Variants in RP1 observed in about 807,000 individuals in gnomAD.
RP1 encodes RP1 axonemal microtubule associated.
A neutral mutation model predicts 14.8 loss-of-function variants in RP1; 16 were observed. That is an observed-to-expected ratio of 1.08 (90% confidence interval 0.73 to 1.65). RP1 has a LOEUF of 1.65. Among genes scored for constraint, RP1 ranks in the 40% most tolerant of loss-of-function variants. RP1 has a pLI of 0.00. For missense variants in RP1, 2,631 were observed against 2,535.0 expected (o/e 1.04, Z -0.81); for synonymous variants, 876 against 883.6 (o/e 0.99, Z 0.15).
chr8:54,692,046 T>C (rs550133668), intron 12 of RP1, among the ~76,000 whole-genome samples: 1 of 151,742 alleles, frequency 6.6e-6, no homozygotes, highest in African/African-American at 2.4e-5. Flanking sequence ...AATTCCCACC[T>C]ATGAGTGAGA....
At chr8:54,854,184 G>A (rs796593259) in intron 26 of RP1, among the ~76,000 whole-genome samples, 1 of 152,106 alleles carries the variant, frequency 6.6e-6, no homozygotes, top group Non-Finnish European at 1.5e-5. Context: ...TGGAAATGCA[G>A]TCAAATACAC....
chr8:54,847,894 C>T (rs1415878344), intron 25 of RP1, among the ~76,000 whole-genome samples: 2 of 152,212 alleles, frequency 1.3e-5, no homozygotes, highest in Non-Finnish European at 2.9e-5. Context: ...TAGAGAATTG[C>T]AAAATGAATC....
intron 1 of RP1, among the ~76,000 whole-genome samples, chr8:54,588,738 G>A (rs937885515): frequency 1.3e-5 from 2 of 152,138 alleles, no homozygotes; most frequent in Non-Finnish European, 2.9e-5. Context: ...AGATGTACAT[G>A]GGCCTCCCTT....
At chr8:54,798,240 G>A (rs1810621510) in intron 24 of RP1, among the ~76,000 whole-genome samples, 1 of 152,086 alleles carries the variant, frequency 6.6e-6, no homozygotes, top group Non-Finnish European at 1.5e-5. Flanking sequence ...TCAAACTCCT[G>A]AGCTCAGGCG....
intron 3 of RP1, among the ~76,000 whole-genome samples, chr8:54,624,454 A>AG (rs1244007390): frequency 2.0e-5 from 3 of 150,744 alleles, no homozygotes; most frequent in African/African-American, 7.3e-5. Flanking sequence ...AAAAAAAAAA[A>AG]AAAAAAAAAA....
chr8:54,561,694 T>C (rs1314850793), intron 1 of RP1: 8 of 152,174 alleles, frequency 5.3e-5, no homozygotes, highest in Admixed American at 5.2e-4. Flanking sequence ...GTTGGATTCT[T>C]TTACACTAGG....
At chr8:54,694,794 T>C (rs1484409585) in intron 12 of RP1, among the ~76,000 whole-genome samples, 1 of 145,766 alleles carries the variant, frequency 6.9e-6, no homozygotes, top group East Asian at 2.0e-4. Context: ...TAATTTTTTA[T>C]AGGGTTTTTT....
chr8:54,869,281 GGTATAA>G (rs1812526165), intron 28 of RP1, among the ~76,000 whole-genome samples: 1 of 151,900 alleles, frequency 6.6e-6, no homozygotes, highest in South Asian at 2.1e-4. Flanking sequence ...TTCCAATGTA[GGTATAA>G]GATACATTCC....
rs75132082 is a variant in RP1 at position 54,799,763 on chromosome 8, T to A, written c.3615+16053T>A. Among the ~76,000 whole-genome samples the A allele has an allele frequency of 3.1e-3, 470 of 152,194 alleles. 19 individuals are homozygous for A. The East Asian group carries it at 0.081, about 26-fold the overall frequency. The stretch of plus-strand genomic sequence containing the variant: ...CATGTGCAGTATAAGGGTCTTAGAA[T>A]AATCCAAATTTCTACTTCCCATTTC... On this transcript the variant is annotated intron_variant, in intron 24 of 28. Coordinates refer to the RP1 transcript ENST00000637698.
chr8:54,788,556 A>T (rs943899004), intron 24 of RP1, among the ~76,000 whole-genome samples: 12 of 152,160 alleles, frequency 7.9e-5, no homozygotes, highest in African/African-American at 2.9e-4. Flanking sequence ...GAGTGGCAGC[A>T]CTAAGCAGTT....
intron 24 of RP1, among the ~76,000 whole-genome samples, chr8:54,786,309 T>C (rs1440662175): frequency 6.6e-6 from 1 of 152,158 alleles, no homozygotes; most frequent in Non-Finnish European, 1.5e-5. Context: ...ATGGCCTTTA[T>C]GATTTCTGAT....
chr8:54,678,884 G>T (rs1807359863), intron 9 of RP1, among the ~76,000 whole-genome samples: 1 of 152,072 alleles, frequency 6.6e-6, no homozygotes, highest in African/African-American at 2.4e-5. Flanking sequence ...AATATACACA[G>T]TGTTTCATGT....
intron 7 of RP1, among the ~76,000 whole-genome samples, chr8:54,672,231 T>C (rs1807196142): frequency 6.6e-6 from 1 of 152,172 alleles, no homozygotes; most frequent in Admixed American, 6.6e-5. Flanking sequence ...ATTTCTGCCA[T>C]GGCTCCAAGT....
intron 15 of RP1, among the ~76,000 whole-genome samples, chr8:54,718,091 G>A (rs1242897266): frequency 1.3e-5 from 2 of 152,016 alleles, no homozygotes; most frequent in African/African-American, 4.8e-5. Flanking sequence ...TAAATAAATG[G>A]ACAGATATTC....
intron 19 of RP1, among the ~76,000 whole-genome samples, chr8:54,741,558 T>G (rs1384842285): frequency 6.6e-6 from 1 of 151,752 alleles, no homozygotes; most frequent in Non-Finnish European, 1.5e-5. Context: ...TTTGTGTAAG[T>G]GCACTCTATG....
intron 1 of RP1, among the ~76,000 whole-genome samples, chr8:54,603,751 C>T (rs890032154): frequency 6.6e-6 from 1 of 152,176 alleles, no homozygotes; most frequent in African/African-American, 2.4e-5. Flanking sequence ...AGAAGTCCTT[C>T]ACATCCCTTG....
At chr8:54,693,798 A>G (rs1295173722) in intron 12 of RP1, among the ~76,000 whole-genome samples, 1 of 152,134 alleles carries the variant, frequency 6.6e-6, no homozygotes, top group Admixed American at 6.6e-5. Context: ...TTCCTAATTG[A>G]ATACCCTTTA....
rs577354177 is a variant in RP1 at position 54,717,786 on chromosome 8, G to A, written c.2212-2343G>A. Among the ~76,000 whole-genome samples, 11 of 152,108 alleles carry A rather than the reference G, an allele frequency of 7.2e-5. No individual in the cohort carries two copies. The South Asian group carries it at 2.3e-3, about 32-fold the overall frequency. On this transcript the variant is annotated intron_variant, in intron 15 of 22. Transcript: ENST00000636932. Reference sequence around the variant, plus strand: ...AAACAAAATGTATACAGATTGGGAAGGAAGAAATAAAACTCTCTTGGCTCA... The same window carrying A: ...AAACAAAATGTATACAGATTGGGAAAGAAGAAATAAAACTCTCTTGGCTCA...
At chr8:54,594,017 G>A (rs543106264) in intron 1 of RP1, among the ~76,000 whole-genome samples, 2 of 151,912 alleles carry the variant, frequency 1.3e-5, no homozygotes, top group African/African-American at 4.8e-5. Context: ...AACTCTGAGA[G>A]AACTTGGGAC....
Sources: allele counts gnomAD v4.1 joint callset (sites outside exome capture counted in the v4.1 genomes callset), GRCh38; gene constraint gnomAD v4.1.1; transcripts MANE v1.5; gene names NCBI Gene and HGNC (gene_info 2026-07-23, HGNC 2026-07-21).